Variants in CFAP97 observed in about 807,000 individuals in gnomAD.
CFAP97 encodes cilia and flagella associated protein 97.
A neutral mutation model predicts 43.1 loss-of-function variants in CFAP97; 36 were observed. The ratio of observed to expected loss-of-function variants is 0.84; its 90% CI spans 0.64 to 1.10. CFAP97 has a LOEUF of 1.10. Among genes scored for constraint, CFAP97 ranks in the 50% least tolerant of loss-of-function variants. The pLI is 0.00. For missense variants in CFAP97, 657 were observed against 620.3 expected, an observed-to-expected ratio of 1.06 and a Z score of -0.63; for synonymous variants, 228 against 225.7, an observed-to-expected ratio of 1.01 and a Z score of -0.09.
intron 2 of CFAP97, among the ~76,000 whole-genome samples, chr4:185,185,775 C>A (rs1394803642): frequency 6.6e-6 from 1 of 151,662 alleles, no homozygotes; most frequent in Non-Finnish European, 1.5e-5. Flanking sequence ...GCAGCTGGGA[C>A]TACAGTAGCA....
intron 3 of CFAP97, among the ~76,000 whole-genome samples, chr4:185,167,498 T>C (rs566351166): frequency 6.6e-6 from 1 of 152,122 alleles, no homozygotes; most frequent in East Asian, 1.9e-4. Context: ...TTCAAAATGC[T>C]GTAACGATTG....
intron 3 of CFAP97, chr4:185,169,733 C>A: frequency 1.0e-6 from 1 of 985,402 alleles, no homozygotes; most frequent in African/African-American, 1.7e-5. Context: ...AGCGATGAAG[C>A]AAAGACCTTG....
chr4:185,170,219 G>A (rs999390049), intron 3 of CFAP97: 14 of 621,598 alleles, frequency 2.3e-5, no homozygotes, highest in African/African-American at 3.8e-5. Flanking sequence ...GGTGGTGTAA[G>A]CCTGTAGTTC....
chr4:185,181,274 T>TATA (rs1735771400), intron 2 of CFAP97, among the ~76,000 whole-genome samples: 1 of 132,804 alleles, frequency 7.5e-6, no homozygotes, highest in African/African-American at 2.8e-5. Context: ...AAAATAAAAA[T>TATA]AAAAAAAAAT....
chr4:185,206,523 C>T (rs1030523077), upstream of CFAP97, among the ~76,000 whole-genome samples: 1 of 151,690 alleles, frequency 6.6e-6, no homozygotes, highest in Admixed American at 6.6e-5. Flanking sequence ...GCCAGGCATG[C>T]TGATGCATGC....
At chr4:185,197,941 T>C (rs556033582) in intron 1 of CFAP97, among the ~76,000 whole-genome samples, 1 of 152,244 alleles carries the variant, frequency 6.6e-6, no homozygotes, top group African/African-American at 2.4e-5. Flanking sequence ...TCAGCGAACA[T>C]GGGAATAAGA....
intron 1 of CFAP97, among the ~76,000 whole-genome samples, chr4:185,194,258 G>A (rs1736438650): frequency 6.6e-6 from 1 of 152,202 alleles, no homozygotes; most frequent in Non-Finnish European, 1.5e-5. Flanking sequence ...GGAAGCCGAG[G>A]CGGGTGGATC....
At chr4:185,205,089 G>A (rs556960120), upstream of CFAP97, among the ~76,000 whole-genome samples, 2 of 152,278 alleles carry the variant, frequency 1.3e-5, no homozygotes, top group Non-Finnish European at 2.9e-5. Flanking sequence ...GTCTATTTTC[G>A]TCCTTCACAA....
At chr4:185,184,407 C>T (rs558750659) in intron 2 of CFAP97, among the ~76,000 whole-genome samples, 1 of 152,170 alleles carries the variant, frequency 6.6e-6, no homozygotes, top group African/African-American at 2.4e-5. Context: ...GGAGCGTAAC[C>T]AGTTCTGGGC....
intron 1 of CFAP97, among the ~76,000 whole-genome samples, chr4:185,200,778 C>A (rs1267336449): frequency 6.6e-6 from 1 of 151,772 alleles, no homozygotes; most frequent in African/African-American, 2.4e-5. Flanking sequence ...CAGAACAAGA[C>A]CCTGTCAAAA....
At chr4:185,199,918 C>T (rs1337689506) in intron 1 of CFAP97, among the ~76,000 whole-genome samples, 2 of 152,214 alleles carry the variant, frequency 1.3e-5, no homozygotes, top group African/African-American at 4.8e-5. Context: ...AATGTTTTCA[C>T]GCCTGCTAAC....
At chr4:185,193,392 A>G (rs1392460359) in intron 1 of CFAP97, among the ~76,000 whole-genome samples, 1 of 152,230 alleles carries the variant, frequency 6.6e-6, no homozygotes, top group Non-Finnish European at 1.5e-5. Flanking sequence ...TCATGCTGTA[A>G]TCCCAGCACT....
chr4:185,184,380 C>T (rs890682165), intron 2 of CFAP97, among the ~76,000 whole-genome samples: 3 of 152,186 alleles, frequency 2.0e-5, no homozygotes, highest in East Asian at 1.9e-4. Context: ...CCCCTACCAA[C>T]GACTGGTTCG....
chr4:185,208,961 T>G (rs966724798), upstream of CFAP97, among the ~76,000 whole-genome samples: 3 of 152,180 alleles, frequency 2.0e-5, no homozygotes, highest in African/African-American at 2.4e-5. Flanking sequence ...TTTGCGTGGC[T>G]GATAGCATTT....
chr4:185,208,512 G>A (rs1486089317), upstream of CFAP97, among the ~76,000 whole-genome samples: 1 of 151,684 alleles, frequency 6.6e-6, no homozygotes, highest in Admixed American at 6.6e-5. Context: ...GGCGGATCAC[G>A]AGGTCAGGAG....
At chr4:185,191,261 T>C in intron 1 of CFAP97, 49 bp from the exon 2 acceptor site, 3 of 1,264,934 alleles carry the variant, frequency 2.4e-6, no homozygotes, top group East Asian at 5.1e-5. Flanking sequence ...TCCAAATACT[T>C]TCCATTTGTA....
chr4:185,170,309 G>A, intron 3 of CFAP97: 2 of 630,904 alleles, frequency 3.2e-6, no homozygotes, highest in Non-Finnish European at 5.7e-6. Context: ...TCACGTCACT[G>A]CACTCCAGCC....
At chr4:185,194,380 TA>T (rs1736444312) in intron 1 of CFAP97, among the ~76,000 whole-genome samples, 1 of 152,018 alleles carries the variant, frequency 6.6e-6, no homozygotes, top group African/African-American at 2.4e-5. Flanking sequence ...TCCCAGCCAC[TA>T]GGGAGGCTGA....
At chr4:185,172,468 C>T (rs78917079) in intron 3 of CFAP97, among the ~76,000 whole-genome samples, 5,920 of 152,192 alleles carry the variant, frequency 0.039, 221 homozygotes, top group South Asian at 0.12. Flanking sequence ...ATCTAAATAG[C>T]CTCTGAATTG....
Sources: gnomAD v4.1 joint callset for allele counts (sites outside exome capture counted in the v4.1 genomes callset) on GRCh38, gnomAD v4.1.1 for gene constraint, MANE v1.5 for transcripts, NCBI Gene and HGNC (gene_info 2026-07-23, HGNC 2026-07-21) for gene names.